DAPK2: variants seen among roughly 807,000 people sequenced by gnomAD.
The protein encoded by DAPK2 is death-associated protein kinase 2.
Under a neutral mutation model 44.1 loss-of-function variants are expected in DAPK2, and 35 were observed. That is an observed-to-expected ratio of 0.79 (90% confidence interval 0.61 to 1.05). The LOEUF (loss-of-function observed/expected upper bound fraction) is 1.05, where lower values mean the gene tolerates loss of function less well. Ranked by LOEUF, DAPK2 falls within the 50% of genes least tolerant of loss-of-function variation. DAPK2 has a pLI of 0.00. For synonymous variants in DAPK2, 174 were observed against 182.6 expected (o/e 0.95, Z 0.38); for missense variants, 453 against 483.2 (o/e 0.94, Z 0.59).
In DAPK2 at chr15:63,939,103, G is replaced by A; in HGVS notation, c.583+129C>T. ...AGACATTTCCTTCCCCACCCATTAG[G>A]TTTCTAGAGATGTCCCAATGCATCA... On this transcript the variant is annotated intron_variant, in intron 4 of 10. Transcript: ENST00000261891. This position sits in a 1 kb window ranked among gnomAD's most constrained non-coding sequence, Gnocchi z 4.3. 6.8e-7 allele frequency: 1 copy of A among 1,479,292 alleles called. No individual in the cohort carries two copies. Among genetic ancestry groups the A allele is most frequent in the Non-Finnish European group, 9.0e-7 (1 of 1,108,510 alleles). The allele number at this position is 1,479,292 out of a possible 1,614,324, so 91.6% of individuals were successfully genotyped here. A position where few individuals can be genotyped will look rare whatever the true frequency, so the allele number is the denominator to read the frequency against.
At chr15:63,965,005 G>A (rs1044646747) in intron 3 of DAPK2, among the ~76,000 whole-genome samples, 7 of 152,118 alleles carry the variant, frequency 4.6e-5, no homozygotes, top group African/African-American at 9.7e-5. Context: ...TTTGATGCTT[G>A]TGGACGTTTA....
intron 1 of DAPK2, among the ~76,000 whole-genome samples, chr15:64,028,119 C>T (rs556928392): frequency 3.3e-5 from 5 of 152,174 alleles, no homozygotes; most frequent in South Asian, 2.1e-4. Context: ...AGTGCAGTGG[C>T]GCTATCTCAG....
chr15:64,045,273 C>T (rs1401027091), intron 1 of DAPK2, among the ~76,000 whole-genome samples: 2 of 152,156 alleles, frequency 1.3e-5, no homozygotes, highest in Admixed American at 6.5e-5. Flanking sequence ...ATCAGTGGTG[C>T]CACTTGAGGG....
At chr15:63,920,465 G>A (rs1394308281) in intron 8 of DAPK2, 2 of 152,004 alleles carry the variant, frequency 1.3e-5, no homozygotes, top group African/African-American at 2.4e-5. Context: ...CCTATTAGAC[G>A]CCCCATCTTG....
intron 1 of DAPK2, among the ~76,000 whole-genome samples, chr15:64,018,066 T>C (rs906632993): frequency 6.6e-6 from 1 of 152,218 alleles, no homozygotes; most frequent in African/African-American, 2.4e-5. Context: ...AGTCATTTTT[T>C]AAAAACACCA....
chr15:64,006,088 C>A (rs1207545723), intron 1 of DAPK2, among the ~76,000 whole-genome samples: 1 of 151,484 alleles, frequency 6.6e-6, no homozygotes, highest in Admixed American at 6.6e-5. Flanking sequence ...ACGTACAAAC[C>A]CAGCCAGCTC....
intron 2 of DAPK2, among the ~76,000 whole-genome samples, chr15:63,972,905 G>A (rs2078251563): frequency 1.3e-5 from 2 of 152,290 alleles, no homozygotes; most frequent in South Asian, 4.1e-4. Context: ...AGGGAAGCCA[G>A]GTGCTATTCA....
intron 8 of DAPK2, chr15:63,921,613 A>G (rs1459781866): frequency 6.6e-6 from 1 of 152,216 alleles, no homozygotes; most frequent in Non-Finnish European, 1.5e-5. Context: ...TCATGAAACG[A>G]CCATGTGGCC....
chr15:64,011,464 G>A (rs1224031204), intron 1 of DAPK2, among the ~76,000 whole-genome samples: 1 of 152,176 alleles, frequency 6.6e-6, no homozygotes, highest in Non-Finnish European at 1.5e-5. Context: ...AGGAGGCTGA[G>A]GCAGGAGAAT....
At chr15:63,995,248 C>A (rs1431744775) in intron 1 of DAPK2, among the ~76,000 whole-genome samples, 1 of 152,138 alleles carries the variant, frequency 6.6e-6, no homozygotes, top group Admixed American at 6.5e-5. Flanking sequence ...GTGGCACAAT[C>A]ATAGCTCATT....
In DAPK2 at chr15:63,987,255, G is replaced by A. The variant is rs193096145; in HGVS notation, c.93-3501C>T. Among the ~76,000 whole-genome samples the A allele has an allele frequency of 6.6e-5, 10 of 152,248 alleles. No homozygotes were observed. The East Asian group carries it at 1.9e-3, about 29-fold the overall frequency. On this transcript the variant is annotated intron_variant, in intron 1 of 10. Coordinates refer to ENST00000261891, the Ensembl canonical transcript of DAPK2. ...AACCCAAGGGCAGGTGACAGCAACA[G>A]GCCTTTTTCTGCACACAGAAGGCTC...
intron 3 of DAPK2, among the ~76,000 whole-genome samples, chr15:63,960,960 C>G (rs546493350): frequency 4.2e-4 from 64 of 152,236 alleles, no homozygotes; most frequent in African/African-American, 1.5e-3. Context: ...TAAATTCTCC[C>G]ATTATTATTG....
chr15:64,036,339 A>ATG, intron 1 of DAPK2, among the ~76,000 whole-genome samples: 1 of 112,188 alleles, frequency 8.9e-6, no homozygotes, highest in Non-Finnish European at 1.9e-5. Flanking sequence ...ATATATATAC[A>ATG]TATATATATA....
At chr15:64,023,871 T>C (rs2079760535) in intron 1 of DAPK2, among the ~76,000 whole-genome samples, 1 of 152,212 alleles carries the variant, frequency 6.6e-6, no homozygotes, top group Non-Finnish European at 1.5e-5. Context: ...GAAGACTGCA[T>C]CGTGCGGGGG....
chr15:63,951,705 G>A (rs1448024210), intron 3 of DAPK2, among the ~76,000 whole-genome samples: 1 of 152,116 alleles, frequency 6.6e-6, no homozygotes, highest in Non-Finnish European at 1.5e-5. Flanking sequence ...TCTACCCCCT[G>A]GCATACAGTA....
At chr15:64,027,607 G>C (rs1049677519) in intron 1 of DAPK2, among the ~76,000 whole-genome samples, 1 of 152,058 alleles carries the variant, frequency 6.6e-6, no homozygotes, top group African/African-American at 2.4e-5. Flanking sequence ...ACACCACGAA[G>C]AAAAGTAAAG....
At chr15:63,988,573 C>T (rs1006260130) in intron 1 of DAPK2, among the ~76,000 whole-genome samples, 4 of 150,528 alleles carry the variant, frequency 2.7e-5, no homozygotes, top group African/African-American at 9.8e-5. Context: ...GGCGCAATCT[C>T]GGCTCACTGC....
chr15:64,026,925 T>A (rs763875223), intron 1 of DAPK2, among the ~76,000 whole-genome samples: 1 of 152,208 alleles, frequency 6.6e-6, no homozygotes, highest in Non-Finnish European at 1.5e-5. Flanking sequence ...CTTGTGTTGC[T>A]ATTGGAACTT....
chr15:63,991,690 C>T (rs780475530), intron 1 of DAPK2, among the ~76,000 whole-genome samples: 15 of 152,178 alleles, frequency 9.9e-5, no homozygotes, highest in Non-Finnish European at 2.1e-4. Flanking sequence ...AGCATGGAAG[C>T]ATAGCATGCT....
Sources: allele counts gnomAD v4.1 joint callset (sites outside exome capture counted in the v4.1 genomes callset), GRCh38; gene constraint gnomAD v4.1.1; non-coding constraint Gnocchi (gnomAD v3.1); transcripts MANE v1.5; gene names NCBI Gene and HGNC (gene_info 2026-07-23, HGNC 2026-07-21).